SLC35B4: variants seen among roughly 807,000 people sequenced by gnomAD.
SLC35B4 encodes the protein nucleotide sugar transporter SLC35B4.
SLC35B4 carries 28 observed loss-of-function variants against 39.5 expected under a neutral mutation model. The ratio of observed to expected loss-of-function variants is 0.71; its 90% CI spans 0.53 to 0.97. The LOEUF (loss-of-function observed/expected upper bound fraction) is 0.97, where lower values mean the gene tolerates loss of function less well. Ranked by LOEUF, SLC35B4 falls within the 50% of genes least tolerant of loss-of-function variation. The pLI is 0.00. For synonymous variants in SLC35B4, 145 were observed against 150.4 expected (o/e 0.96, Z 0.26); for missense variants, 334 against 414.3 (o/e 0.81, Z 1.68).
In SLC35B4 at chr7:134,303,403, C is replaced by T. The variant is rs141505380; in HGVS notation, c.345-1293G>A. Among the ~76,000 whole-genome samples, 1,047 of 151,900 alleles carry T rather than the reference C, an allele frequency of 6.9e-3. 13 individuals carry two copies. The highest frequency in any genetic ancestry group is 0.019 in the African/African-American group (774 of 41,410). ...GAAAGAGCACAGGCCTGTCCCAAGGCGAATTCCACACTATAAGAAGCATGA... is the reference window on the plus strand; with the variant it reads ...GAAAGAGCACAGGCCTGTCCCAAGGTGAATTCCACACTATAAGAAGCATGA... On this transcript the variant is annotated intron_variant, in intron 4 of 9. Transcript: ENST00000378509.
intron 1 of SLC35B4, 25 bp downstream of exon 1, chr7:134,316,650 G>C (rs1563220948): frequency 6.5e-7 from 1 of 1,548,454 alleles, no homozygotes; most frequent in South Asian, 1.2e-5. Context: ...CGGGAGACCG[G>C]GTGCGGCCCG....
At chr7:134,309,135 C>G (rs1389992664) in intron 2 of SLC35B4, among the ~76,000 whole-genome samples, 1 of 152,226 alleles carries the variant, frequency 6.6e-6, no homozygotes, top group Non-Finnish European at 1.5e-5. Flanking sequence ...CACACACATA[C>G]ACACTCTTGT....
At position 134,316,662 on chromosome 7, in the gene SLC35B4, G is replaced by C. The variant is rs1473779957; in HGVS notation, c.77+13C>G. ...CCCCGGGAGACCGGGTGCGGCCCGA[G>C]CGGGTCACTCACCGGGCCAGGAGCT... On this transcript the variant is annotated intron_variant, in intron 1 of 9. Transcript: ENST00000378509. The C allele has an allele frequency of 6.5e-7, 1 of 1,549,436 alleles. No individual in the cohort carries two copies.
At chr7:134,319,267 A>C (rs942306568), upstream of SLC35B4, among the ~76,000 whole-genome samples, 11 of 152,352 alleles carry the variant, frequency 7.2e-5, no homozygotes, top group African/African-American at 2.6e-4. Flanking sequence ...AGGGTATTAA[A>C]AGCAGTCCTG....
rs2117274434 is a variant in SLC35B4 at position 134,294,786 on chromosome 7, G to A, written c.*47C>T. The A allele has an allele frequency of 2.5e-6, 4 of 1,599,750 alleles. No homozygotes were observed. Among genetic ancestry groups the A allele is most frequent in the Non-Finnish European group, 3.4e-6 (4 of 1,170,676 alleles). On this transcript the variant is annotated 3_prime_UTR_variant, in exon 10 of 10. Coordinates refer to ENST00000378509, the MANE Select transcript of SLC35B4 (RefSeq NM_032826.5). ...GCGAAACGGTGGTCAGACCTTCACA[G>A]GGTCCCACCCTCACGACGACACTGG...
At chr7:134,302,284 A>C (rs1193753060) in intron 4 of SLC35B4, among the ~76,000 whole-genome samples, 174 bp from the exon 5 acceptor site, 1 of 152,208 alleles carries the variant, frequency 6.6e-6, no homozygotes, top group Non-Finnish European at 1.5e-5. Flanking sequence ...CAGGATACTG[A>C]CTAGTTTCTA....
At chr7:134,296,672 T>C (rs529248932) in intron 8 of SLC35B4, among the ~76,000 whole-genome samples, 1 of 152,318 alleles carries the variant, frequency 6.6e-6, no homozygotes, top group South Asian at 2.1e-4. Context: ...TTAAAACAAA[T>C]AATAGTTTTA....
At chr7:134,305,701 G>T (rs1310040125) in intron 3 of SLC35B4, among the ~76,000 whole-genome samples, 1 of 152,044 alleles carries the variant, frequency 6.6e-6, no homozygotes, top group Non-Finnish European at 1.5e-5. Context: ...ACGGAGTTTT[G>T]CTCTTGTTGC....
Position 134,316,805 on chromosome 7 carries a change from G to A in SLC35B4, c.-54C>T. 1.2e-5 allele frequency: 18 copies of A among 1,516,980 alleles called. No homozygotes were observed. Among genetic ancestry groups the A allele is most frequent in the Non-Finnish European group, 1.6e-5 (18 of 1,123,320 alleles). 94.0% of individuals were successfully genotyped at this position (1,516,980 alleles called of 1,614,324 possible). A position where few individuals can be genotyped will look rare whatever the true frequency, so the allele number is the denominator to read the frequency against. ...CACAGAGTAAGCGCCCGCCTGTACCGCTACCCCAGGAAGCCGGCCTCCTGC... is the reference window on the plus strand; with the variant it reads ...CACAGAGTAAGCGCCCGCCTGTACCACTACCCCAGGAAGCCGGCCTCCTGC... On this transcript the variant is annotated 5_prime_UTR_variant, in exon 1 of 10. Coordinates refer to ENST00000378509, the MANE Select transcript of SLC35B4 (RefSeq NM_032826.5).
At position 134,309,424 on chromosome 7, in the gene SLC35B4, C is replaced by T; in HGVS notation, c.133G>A (p.Val45Met). Residue 45 changes from valine to methionine, a missense_variant, in exon 2 of 10, where the codon GTG (valine) becomes ATG (methionine). Val to Met is a conservative substitution (Grantham distance 21). Coordinates refer to ENST00000378509, the MANE Select transcript of SLC35B4 (RefSeq NM_032826.5). Reference protein sequence around the residue: ...VTFAQFLFIAVEGFLFEADLG... With the variant: ...VTFAQFLFIAMEGFLFEADLG... The stretch of plus-strand genomic sequence containing the variant: ...TCAGCTTCAAAGAGGAAGCCTTCCA[C>T]AGCAATAAATAAAAATTGTGCAAAT... The T allele has an allele frequency of 6.2e-7, 1 of 1,611,732 alleles. No homozygotes were observed. Among genetic ancestry groups the T allele is most frequent in the South Asian group, 1.1e-5 (1 of 90,810 alleles).
chr7:134,306,256 T>TAAA (rs138071576), intron 3 of SLC35B4, among the ~76,000 whole-genome samples: 3 of 137,968 alleles, frequency 2.2e-5, no homozygotes, highest in Non-Finnish European at 3.1e-5. Context: ...AGTCTCTGCT[T>TAAA]AAAAAAAAAA....
intron 1 of SLC35B4, among the ~76,000 whole-genome samples, chr7:134,310,098 T>C (rs764005657): frequency 1.3e-5 from 2 of 152,170 alleles, no homozygotes; most frequent in Non-Finnish European, 2.9e-5. Flanking sequence ...ACACTATATC[T>C]ATGGCAGGGG....
At chr7:134,305,862 G>A (rs1803698903) in intron 3 of SLC35B4, among the ~76,000 whole-genome samples, 1 of 152,124 alleles carries the variant, frequency 6.6e-6, no homozygotes, top group Admixed American at 6.6e-5. Context: ...TAGAGATGGG[G>A]TTTCCCATGT....
At chr7:134,319,852 C>G (rs950738455), upstream of SLC35B4, among the ~76,000 whole-genome samples, 2 of 152,148 alleles carry the variant, frequency 1.3e-5, no homozygotes, top group African/African-American at 4.8e-5. Context: ...CTCTTTATAT[C>G]CCATCGGTTC....
intron 4 of SLC35B4, among the ~76,000 whole-genome samples, chr7:134,304,036 G>T (rs1353143066): frequency 6.6e-6 from 1 of 152,068 alleles, no homozygotes; most frequent in East Asian, 1.9e-4. Flanking sequence ...CCATTCCTTA[G>T]TTTGCTATGC....
Position 134,304,797 on chromosome 7 carries a change from T to C in SLC35B4, c.344+8A>G, listed in dbSNP as rs769182572. 1.2e-6 allele frequency: 2 copies of C among 1,602,008 alleles called. No individual in the cohort carries two copies. The highest frequency in any genetic ancestry group is 1.3e-5 in the African/African-American group (1 of 74,766). ...TCCATACACAAAATACAGAAGTGTA[T>C]TGTTTACCTTTTCTTCAAAATGATA... is the stretch of plus-strand genomic sequence containing the variant. On this transcript the variant is annotated splice_region_variant and intron_variant, in intron 4 of 9. Transcript: ENST00000378509.
chr7:134,306,840 A>G lies in SLC35B4; in HGVS notation c.192-66T>C, dbSNP rs1042358551. On this transcript the variant is annotated intron_variant, in intron 2 of 9. Coordinates refer to ENST00000378509, the MANE Select transcript of SLC35B4 (RefSeq NM_032826.5). Reference sequence around the variant, plus strand: ...ATTTCAAGAAAATCAAGTATAGGAAATATATATTTTTGGCTAAAAAGGCAT... The same window carrying G: ...ATTTCAAGAAAATCAAGTATAGGAAGTATATATTTTTGGCTAAAAAGGCAT... 2.9e-6 allele frequency: 4 copies of G among 1,394,672 alleles called. No individual in the cohort carries two copies. The Admixed American group carries it at 8.4e-5, about 29-fold the overall frequency. 86.4% of individuals were successfully genotyped at this position (1,394,672 alleles called of 1,614,324 possible).
rs985164528 is a variant in SLC35B4, at chr7:134,290,901, T to A, written c.*3932A>T. On this transcript the variant is annotated 3_prime_UTR_variant, in exon 10 of 10. Coordinates refer to ENST00000378509, the MANE Select transcript of SLC35B4 (RefSeq NM_032826.5). ...TTGATTTCAACGTAGTTCTCCTCCA[T>A]GTGCATTTCTCTGTCCGTTTAGGTC... 6.6e-6 allele frequency: 1 copy of A among 152,214 alleles called. No individual in the cohort carries two copies. The highest frequency in any genetic ancestry group is 2.4e-5 in the African/African-American group (1 of 41,456). 9.4% of individuals were successfully genotyped at this position (152,214 alleles called of 1,614,324 possible). A position where few individuals can be genotyped will look rare whatever the true frequency, so the allele number is the denominator to read the frequency against.
At chr7:134,306,838 A>T in intron 2 of SLC35B4, 64 bp from the exon 3 acceptor site, 2 of 1,401,852 alleles carry the variant, frequency 1.4e-6, no homozygotes, top group Non-Finnish European at 2.0e-6. Context: ...CAAGTATAGG[A>T]AATATATATT....
Sources: gnomAD v4.1 joint callset for allele counts (sites outside exome capture counted in the v4.1 genomes callset) on GRCh38, gnomAD v4.1.1 for gene constraint, MANE v1.5 for transcripts, NCBI Gene and HGNC (gene_info 2026-07-23, HGNC 2026-07-21) for gene names.